PLEKHA7: variants seen among roughly 807,000 people sequenced by gnomAD.
The protein encoded by PLEKHA7 is pleckstrin homology domain containing A7, also known as pleckstrin homology domain-containing family A member 7.
A neutral mutation model predicts 170.0 loss-of-function variants in PLEKHA7; 104 were observed. That is an observed-to-expected ratio of 0.61 (90% confidence interval 0.52 to 0.72). The LOEUF (loss-of-function observed/expected upper bound fraction) is 0.72, where lower values mean the gene tolerates loss of function less well. Among genes scored for constraint, PLEKHA7 ranks in the 30% least tolerant of loss-of-function variants. PLEKHA7 has a pLI of 0.00. For missense variants in PLEKHA7, 1,615 were observed against 1,671.7 expected, an observed-to-expected ratio of 0.97 and a Z score of 0.59; for synonymous variants, 648 against 660.8, an observed-to-expected ratio of 0.98 and a Z score of 0.30.
At chr11:16,783,949 A>G in intron 24 of PLEKHA7, 116 bp from the exon 25 acceptor site, 1 of 1,102,018 alleles carries the variant, frequency 9.1e-7, no homozygotes, top group African/African-American at 1.6e-5. Context: ...CACAGAGACT[A>G]AGTAACTTGC....
intron 3 of PLEKHA7, among the ~76,000 whole-genome samples, chr11:16,941,570 T>A (rs1191930351): frequency 6.6e-6 from 1 of 152,218 alleles, no homozygotes; most frequent in African/African-American, 2.4e-5. Flanking sequence ...ACAGAACACT[T>A]ACTATGAGCC....
At chr11:16,996,068 A>AT (rs1449993868) in intron 3 of PLEKHA7, among the ~76,000 whole-genome samples, 1 of 152,336 alleles carries the variant, frequency 6.6e-6, no homozygotes, top group African/African-American at 2.4e-5. Flanking sequence ...AAAAGACAAA[A>AT]TATCTGCTGT....
At chr11:16,905,595 C>T (rs570907280) in intron 3 of PLEKHA7, among the ~76,000 whole-genome samples, 4 of 152,248 alleles carry the variant, frequency 2.6e-5, no homozygotes, top group African/African-American at 9.6e-5. Context: ...GAACCTCAGC[C>T]ACACACAGTG....
chr11:16,953,868 T>G (rs886221892), intron 3 of PLEKHA7, among the ~76,000 whole-genome samples: 2 of 152,220 alleles, frequency 1.3e-5, no homozygotes, highest in Non-Finnish European at 2.9e-5. Context: ...CACCTCTCCC[T>G]TAAGAAACTG....
At chr11:16,901,753 C>T (rs1857355195) in intron 3 of PLEKHA7, among the ~76,000 whole-genome samples, 1 of 152,154 alleles carries the variant, frequency 6.6e-6, no homozygotes, top group Non-Finnish European at 1.5e-5. Flanking sequence ...CGCCTATAGT[C>T]TCAGCTACTC....
intron 4 of PLEKHA7, among the ~76,000 whole-genome samples, chr11:16,863,495 G>A (rs1311774776): frequency 1.3e-5 from 2 of 152,068 alleles, no homozygotes; most frequent in African/African-American, 4.8e-5. Flanking sequence ...GCACACAAGC[G>A]GGCCCCTGAA....
intron 13 of PLEKHA7, among the ~76,000 whole-genome samples, chr11:16,812,687 T>C (rs968578617): frequency 6.8e-4 from 104 of 152,262 alleles, no homozygotes; most frequent in African/African-American, 2.4e-3. Context: ...CTCAAAGCCA[T>C]GCGATTCCAT....
At chr11:16,823,875 A>C (rs926298184) in intron 10 of PLEKHA7, among the ~76,000 whole-genome samples, 1 of 152,238 alleles carries the variant, frequency 6.6e-6, no homozygotes, top group Non-Finnish European at 1.5e-5. Flanking sequence ...CAACAGATGA[A>C]CGGATAAACA....
intron 3 of PLEKHA7, among the ~76,000 whole-genome samples, chr11:16,913,752 C>T (rs1179415747): frequency 6.6e-6 from 1 of 152,198 alleles, no homozygotes; most frequent in Non-Finnish European, 1.5e-5. Flanking sequence ...AAGTGAGCAG[C>T]AAGGAGGCAG....
At chr11:16,908,499 T>TC (rs1224390833) in intron 3 of PLEKHA7, among the ~76,000 whole-genome samples, 11 of 134,578 alleles carry the variant, frequency 8.2e-5, no homozygotes, top group African/African-American at 2.8e-4. Context: ...TAATTTTTTT[T>TC]TCTTTTTTTT....
At chr11:16,933,370 TA>T (rs974320785) in intron 3 of PLEKHA7, among the ~76,000 whole-genome samples, 4 of 152,132 alleles carry the variant, frequency 2.6e-5, no homozygotes, top group Non-Finnish European at 5.9e-5. Context: ...GGAGATGAGC[TA>T]AAGAGACTGC....
intron 3 of PLEKHA7, among the ~76,000 whole-genome samples, chr11:16,925,609 G>A (rs1020702262): frequency 6.6e-6 from 1 of 152,228 alleles, no homozygotes; most frequent in African/African-American, 2.4e-5. Flanking sequence ...GCGGCTCCAT[G>A]CGACTGCTTC....
intron 3 of PLEKHA7, among the ~76,000 whole-genome samples, chr11:16,909,112 C>A (rs1319019606): frequency 6.6e-6 from 1 of 152,172 alleles, no homozygotes; most frequent in Non-Finnish European, 1.5e-5. Flanking sequence ...TTAAATGATA[C>A]ATGCATTGTG....
chr11:16,841,687 G>A lies in PLEKHA7; in HGVS notation c.732C>T (p.Asn244=), dbSNP rs760862979. The A allele has an allele frequency of 6.2e-7, 1 of 1,614,174 alleles. No homozygotes were observed. The highest frequency in any genetic ancestry group is 1.1e-5 in the South Asian group (1 of 91,082). ...VHTGMRALIY[N]SSTAGSQAEQ... ...CGGCCTGAGAGCCCGCTGTGGAGCT[G>A]TTATAGATGAGCGCTCGCATCCCCG... The change falls in exon 9 of 27, where the codon AAC becomes AAT. Residue 244 remains asparagine, a synonymous_variant. Coordinates refer to ENST00000531066, the MANE Select transcript of PLEKHA7 (RefSeq NM_001329630.2).
At chr11:16,856,852 G>A (rs12269949) in intron 4 of PLEKHA7, among the ~76,000 whole-genome samples, 177 of 152,264 alleles carry the variant, frequency 1.2e-3, no homozygotes, top group African/African-American at 4.2e-3. Context: ...AAGTCTCCAC[G>A]CTCTGTCCAA....
At chr11:16,911,302 C>T (rs1406205130) in intron 3 of PLEKHA7, among the ~76,000 whole-genome samples, 1 of 152,152 alleles carries the variant, frequency 6.6e-6, no homozygotes, top group Admixed American at 6.5e-5. Flanking sequence ...TTCTCTAAGG[C>T]TGACAGGGCC....
intron 9 of PLEKHA7, among the ~76,000 whole-genome samples, chr11:16,836,512 G>A (rs976225222): frequency 7.9e-5 from 12 of 152,222 alleles, no homozygotes; most frequent in African/African-American, 2.7e-4. Flanking sequence ...CAGAGGGAGC[G>A]AATGAAATGC....
intron 3 of PLEKHA7, among the ~76,000 whole-genome samples, chr11:16,894,594 C>T (rs1590515694): frequency 6.6e-6 from 1 of 151,642 alleles, no homozygotes; most frequent in South Asian, 2.1e-4. Flanking sequence ...ATCATAGCTC[C>T]ACACTCGTAG....
At position 16,778,303 on chromosome 11, in the gene PLEKHA7, CT is replaced by C. The variant is rs1848792579; in HGVS notation, c.*694del. ...AAAAAAGATAGCAAACTGCTTTTTT[CT>C]TTCTGACAAGAGCCTTTTGCTGGAG... On this transcript the variant is annotated 3_prime_UTR_variant, in exon 27 of 27. Transcript: ENST00000531066. 2 of 152,326 alleles carry C rather than the reference CT, an allele frequency of 1.3e-5. No homozygotes were observed. The highest frequency in any genetic ancestry group is 2.1e-4 in the South Asian group (1 of 4,834). 9.4% of individuals were successfully genotyped at this position (152,326 alleles called of 1,614,324 possible).
Sources: allele counts gnomAD v4.1 joint callset (sites outside exome capture counted in the v4.1 genomes callset), GRCh38; gene constraint gnomAD v4.1.1; transcripts MANE v1.5; gene names NCBI Gene and HGNC (gene_info 2026-07-23, HGNC 2026-07-21).